GTPBP2: variants seen among roughly 807,000 people sequenced by gnomAD.
GTPBP2 encodes the protein GTP-binding protein 2.
A neutral mutation model predicts 63.0 loss-of-function variants in GTPBP2; 32 were observed. That is an observed-to-expected ratio of 0.51 (90% CI 0.38 to 0.68). The LOEUF is 0.68. GTPBP2 is among the 30% of genes least tolerant of loss of function. The probability of loss-of-function intolerance (pLI) is 0.00; values close to 1 mark genes in which losing one functional copy is unlikely to be tolerated. For missense variants in GTPBP2, 492 were observed against 796.9 expected, an observed-to-expected ratio of 0.62 and a Z score of 4.61; for synonymous variants, 310 against 322.6, an observed-to-expected ratio of 0.96 and a Z score of 0.42.
chr6:43,621,860 C>G, intron 11 of GTPBP2, 70 bp from the exon 12 acceptor site: 1 of 1,610,656 alleles, frequency 6.2e-7, no homozygotes, highest in South Asian at 1.1e-5. Context: ...CGTGGCTCTC[C>G]ACCCTCCAGA....
In GTPBP2 at chr6:43,621,066, T is replaced by G; in HGVS notation, c.*548A>C. 1 of 266,710 alleles carries G rather than the reference T, an allele frequency of 3.7e-6. No individual in the cohort carries two copies. The highest frequency in any genetic ancestry group is 4.1e-5 in the South Asian group (1 of 24,186). The allele number at this position is 266,710 out of a possible 1,614,324, so 16.5% of individuals were successfully genotyped here. ...AGAGGCCTCAGGCCTCAGCACAGGGTGGCAACACTACCATTCACTGTCCCT... is the reference window on the plus strand; with the variant it reads ...AGAGGCCTCAGGCCTCAGCACAGGGGGGCAACACTACCATTCACTGTCCCT... On this transcript the variant is annotated 3_prime_UTR_variant, in exon 12 of 12. Coordinates refer to ENST00000307126, the MANE Select transcript of GTPBP2 (RefSeq NM_019096.5).
In GTPBP2 at chr6:43,622,253, C is replaced by T. The variant is rs756158775; in HGVS notation, c.1468-86G>A. On this transcript the variant is annotated intron_variant, in intron 10 of 11. Coordinates refer to ENST00000307126, the MANE Select transcript of GTPBP2 (RefSeq NM_019096.5). This position sits in a 1 kb window ranked among gnomAD's most constrained non-coding sequence, Gnocchi z 5.4. Reference sequence around the variant, plus strand: ...CAGCCACCCCACACCCTTTATAGCTCCTGAATTTCCTCTTCCTCTACACAA... The same window carrying T: ...CAGCCACCCCACACCCTTTATAGCTTCTGAATTTCCTCTTCCTCTACACAA... The T allele has an allele frequency of 7.3e-6, 8 of 1,097,604 alleles. No individual in the cohort carries two copies. Among genetic ancestry groups the T allele is most frequent in the Non-Finnish European group, 1.1e-5 (8 of 760,964 alleles). The allele number at this position is 1,097,604 out of a possible 1,614,324, so 68.0% of individuals were successfully genotyped here. A position where few individuals can be genotyped will look rare whatever the true frequency, so the allele number is the denominator to read the frequency against.
At chr6:43,623,483 T>C (rs1768992142) in intron 9 of GTPBP2, 1 of 547,322 alleles carries the variant, frequency 1.8e-6, no homozygotes, top group Non-Finnish European at 3.3e-6. Flanking sequence ...TCTAGTTTTC[T>C]TCCTGGAGCT....
intron 9 of GTPBP2, 198 bp from the exon 10 acceptor site, chr6:43,623,002 G>C: frequency 3.5e-6 from 2 of 573,660 alleles, no homozygotes; most frequent in South Asian, 2.2e-5. Flanking sequence ...AAGGCCAGCA[G>C]TGATGGTGGA....
Position 43,624,774 on chromosome 6 carries a change from G to T in GTPBP2, c.881-45C>A, listed in dbSNP as rs754521596. ...AGCAGCAGGAGAGAAGAGTGAGAATGCAGGAGGGAGGAGAGGGAAGAAGAG... is the reference window on the plus strand; with the variant it reads ...AGCAGCAGGAGAGAAGAGTGAGAATTCAGGAGGGAGGAGAGGGAAGAAGAG... On this transcript the variant is annotated intron_variant, in intron 6 of 11. Coordinates refer to ENST00000307126, the MANE Select transcript of GTPBP2 (RefSeq NM_019096.5). The surrounding 1 kb of genome is among the most constrained non-coding windows in gnomAD (Gnocchi z 5.1). 4.4e-6 allele frequency: 7 copies of T among 1,592,886 alleles called. No individual in the cohort carries two copies. Among genetic ancestry groups the T allele is most frequent in the Non-Finnish European group, 5.2e-6 (6 of 1,161,478 alleles).
chr6:43,630,327 G>A (rs1351250260), upstream of GTPBP2, among the ~76,000 whole-genome samples: 2 of 152,198 alleles, frequency 1.3e-5, no homozygotes, highest in South Asian at 2.1e-4. Flanking sequence ...GCTGAGCTGC[G>A]AGTCAGGACG....
At chr6:43,630,811 A>C (rs1333642571), upstream of GTPBP2, among the ~76,000 whole-genome samples, 1 of 147,564 alleles carries the variant, frequency 6.8e-6, no homozygotes, top group Non-Finnish European at 1.5e-5. Context: ...CGGGAGACTG[A>C]GGCAGGAGAA....
rs2396050 is a variant in GTPBP2, at chr6:43,626,722, A to G, written c.213+200T>C. 0.76 allele frequency among the ~76,000 whole-genome samples: 116,050 copies of G among 151,914 alleles called. 45,485 individuals are homozygous for G. The highest frequency in any genetic ancestry group is 0.98 in the East Asian group (5,046 of 5,172). Reference sequence around the variant, plus strand: ...ACTAAAAATACAAAATTAGCCAGGCATGGTGGCGCATGCCTGTAATCCCAG... The same window carrying G: ...ACTAAAAATACAAAATTAGCCAGGCGTGGTGGCGCATGCCTGTAATCCCAG... On this transcript the variant is annotated intron_variant, in intron 2 of 11. Transcript: ENST00000307126. The surrounding 1 kb of genome is among the most constrained non-coding windows in gnomAD (Gnocchi z 4.0).
At chr6:43,628,648 G>A (rs1284688143) in intron 1 of GTPBP2, 2 of 926,560 alleles carry the variant, frequency 2.2e-6, no homozygotes, top group Non-Finnish European at 3.1e-6. Context: ...CCAGGATGCA[G>A]TCTCTCTTGC....
At chr6:43,623,673 C>T in intron 9 of GTPBP2, 64 bp downstream of exon 9, 1 of 1,216,200 alleles carries the variant, frequency 8.2e-7, no homozygotes, top group Non-Finnish European at 1.2e-6. Flanking sequence ...CTCCTTTGGG[C>T]CAGGATGTCT....
chr6:43,628,655 T>C lies in GTPBP2; in HGVS notation c.186+322A>G, dbSNP rs115479836. Reference sequence around the variant, plus strand: ...CTCTCGTCCCAGGATGCAGTCTCTCTTGCCCTATGGCGGCACACGCAGTTG... The same window carrying C: ...CTCTCGTCCCAGGATGCAGTCTCTCCTGCCCTATGGCGGCACACGCAGTTG... On this transcript the variant is annotated intron_variant, in intron 1 of 11. Transcript: ENST00000307126. 478 of 892,518 alleles carry C rather than the reference T, an allele frequency of 5.4e-4. 3 individuals are homozygous for C. The African/African-American group carries it at 6.6e-3, about 12-fold the overall frequency. 55.3% of individuals were successfully genotyped at this position (892,518 alleles called of 1,614,324 possible).
chr6:43,621,445 C>T lies in GTPBP2; in HGVS notation c.*169G>A. 1 of 1,547,310 alleles carries T rather than the reference C, an allele frequency of 6.5e-7. No homozygotes were observed. Among genetic ancestry groups the T allele is most frequent in the Non-Finnish European group, 8.7e-7 (1 of 1,144,742 alleles). The stretch of plus-strand genomic sequence containing the variant: ...TCCCTCAGGACTGCCCTTTCCTGGC[C>T]ACACCAAGTTTGGCACCTCTCCAGA... On this transcript the variant is annotated 3_prime_UTR_variant, in exon 12 of 12. Coordinates refer to ENST00000307126, the MANE Select transcript of GTPBP2 (RefSeq NM_019096.5).
Position 43,621,369 on chromosome 6 carries a change from G to A in GTPBP2, c.*245C>T. 6.7e-7 allele frequency: 1 copy of A among 1,485,342 alleles called. No homozygotes were observed. Among genetic ancestry groups the A allele is most frequent in the Non-Finnish European group, 9.1e-7 (1 of 1,101,516 alleles). The allele number at this position is 1,485,342 out of a possible 1,614,324, so 92.0% of individuals were successfully genotyped here. On this transcript the variant is annotated 3_prime_UTR_variant, in exon 12 of 12. Coordinates refer to ENST00000307126, the MANE Select transcript of GTPBP2 (RefSeq NM_019096.5). Reference sequence around the variant, plus strand: ...GCCACAGGGTTGCCAGGTTTGATGAGCCAACCAGGTGAGCACACAGCTTCG... The same window carrying A: ...GCCACAGGGTTGCCAGGTTTGATGAACCAACCAGGTGAGCACACAGCTTCG...
rs1028283832 is a variant in GTPBP2 at position 43,629,206 on chromosome 6, C to CCGCCGCCGT, written c.-53_-45dup. ...CCCCGCCCGGCCCCTCCCCCGACCG[C>CCGCCGCCGT]CGCCGCCGTCGCCGCCGCCCTTACT... On this transcript the variant is annotated 5_prime_UTR_variant, in exon 1 of 12. Coordinates refer to ENST00000307126, the MANE Select transcript of GTPBP2 (RefSeq NM_019096.5). 1.2e-5 allele frequency: 15 copies of CCGCCGCCGT among 1,287,904 alleles called. No homozygotes were observed. Among genetic ancestry groups the CCGCCGCCGT allele is most frequent in the East Asian group, 3.2e-5 (1 of 31,478 alleles). The allele number at this position is 1,287,904 out of a possible 1,614,324, so 79.8% of individuals were successfully genotyped here.
At position 43,622,556 on chromosome 6, in the gene GTPBP2, G is replaced by C. The variant is rs1248454624; in HGVS notation, c.1467+77C>G. ...CTCTGAGTTTCTCTGAAGCACCTTAGATAGGTGCTCATTCAGTAGCCAGTC... is the reference window on the plus strand; with the variant it reads ...CTCTGAGTTTCTCTGAAGCACCTTACATAGGTGCTCATTCAGTAGCCAGTC... On this transcript the variant is annotated intron_variant, in intron 10 of 11. Coordinates refer to ENST00000307126, the MANE Select transcript of GTPBP2 (RefSeq NM_019096.5). The surrounding 1 kb of genome is among the most constrained non-coding windows in gnomAD (Gnocchi z 5.4). 7 of 1,341,308 alleles carry C rather than the reference G, an allele frequency of 5.2e-6. No individual in the cohort carries two copies. The Admixed American group carries it at 1.1e-4, about 22-fold the overall frequency. 83.1% of individuals were successfully genotyped at this position (1,341,308 alleles called of 1,614,324 possible). A position where few individuals can be genotyped will look rare whatever the true frequency, so the allele number is the denominator to read the frequency against.
chr6:43,624,760 A>AGAAGAGTGAGAATGCAGGAGG lies in GTPBP2; in HGVS notation c.881-52_881-32dup, dbSNP rs775510850. 1.2e-6 allele frequency: 2 copies of AGAAGAGTGAGAATGCAGGAGG among 1,601,642 alleles called. No individual in the cohort carries two copies. Among genetic ancestry groups the AGAAGAGTGAGAATGCAGGAGG allele is most frequent in the South Asian group, 2.2e-5 (2 of 90,830 alleles). On this transcript the variant is annotated intron_variant, in intron 6 of 11. Coordinates refer to ENST00000307126, the MANE Select transcript of GTPBP2 (RefSeq NM_019096.5). The surrounding 1 kb of genome is among the most constrained non-coding windows in gnomAD (Gnocchi z 5.1). ...TCATAAGGACAGCAAGCAGCAGGAG[A>AGAAGAGTGAGAATGCAGGAGG]GAAGAGTGAGAATGCAGGAGGGAGG...
In GTPBP2 at chr6:43,626,687, C is replaced by A. The variant is rs1171404786; in HGVS notation, c.213+235G>T. Among the ~76,000 whole-genome samples, 2 of 152,010 alleles carry A rather than the reference C, an allele frequency of 1.3e-5. No homozygotes were observed. The highest frequency in any genetic ancestry group is 3.9e-4 in the East Asian group (2 of 5,182). Reference sequence around the variant, plus strand: ...GACCAGCCTGACCAACATGGAGAAACCTCATCTCTACTAAAAATACAAAAT... The same window carrying A: ...GACCAGCCTGACCAACATGGAGAAAACTCATCTCTACTAAAAATACAAAAT... On this transcript the variant is annotated intron_variant, in intron 2 of 11. Coordinates refer to ENST00000307126, the MANE Select transcript of GTPBP2 (RefSeq NM_019096.5). This position sits in a 1 kb window ranked among gnomAD's most constrained non-coding sequence, Gnocchi z 4.0.
chr6:43,621,563 T>C lies in GTPBP2; in HGVS notation c.*51A>G, dbSNP rs1306265206. ...AATGGCAGGGCAGCATGGCCAGAAG[T>C]CACCTTATATATTGTAGGGACAGCA... On this transcript the variant is annotated 3_prime_UTR_variant, in exon 12 of 12. Coordinates refer to ENST00000307126, the MANE Select transcript of GTPBP2 (RefSeq NM_019096.5). 1 of 1,613,648 alleles carries C rather than the reference T, an allele frequency of 6.2e-7. No homozygotes were observed. Among genetic ancestry groups the C allele is most frequent in the Non-Finnish European group, 8.5e-7 (1 of 1,179,828 alleles).
chr6:43,629,547 T>A (rs953039547), upstream of GTPBP2: 18 of 648,782 alleles, frequency 2.8e-5, no homozygotes, highest in Non-Finnish European at 4.4e-5. Context: ...TTGGGGGGAA[T>A]TTAGAGCCTC....
Sources: gnomAD v4.1 joint callset for allele counts (sites outside exome capture counted in the v4.1 genomes callset) on GRCh38, gnomAD v4.1.1 for gene constraint, Gnocchi (gnomAD v3.1) non-coding constraint, MANE v1.5 for transcripts, NCBI Gene and HGNC (gene_info 2026-07-23, HGNC 2026-07-21) for gene names.